Variants in PRORP observed in about 807,000 individuals in gnomAD.
PRORP encodes protein only RNase P catalytic subunit.
A neutral mutation model predicts 59.4 loss-of-function variants in PRORP; 51 were observed. The ratio of observed to expected loss-of-function variants is 0.86; its 90% CI spans 0.69 to 1.08. PRORP has a LOEUF of 1.08. PRORP is among the 50% of genes least tolerant of loss of function. PRORP has a pLI of 0.00. For synonymous variants in PRORP, 231 were observed against 245.6 expected (o/e 0.94, Z 0.55); for missense variants, 646 against 690.3 (o/e 0.94, Z 0.72).
chr14:35,263,585 G>A (rs1205800472), intron 5 of PRORP, among the ~76,000 whole-genome samples: 1 of 152,172 alleles, frequency 6.6e-6, no homozygotes, highest in Non-Finnish European at 1.5e-5. Flanking sequence ...GTACTCAGGA[G>A]GCTGAGGTAG....
chr14:35,247,816 C>G (rs1457948386), intron 5 of PRORP, among the ~76,000 whole-genome samples: 1 of 152,110 alleles, frequency 6.6e-6, no homozygotes, highest in Non-Finnish European at 1.5e-5. Flanking sequence ...ACACAGATAT[C>G]TTACAGAGAA....
Position 35,172,457 on chromosome 14 carries a change from T to TTCC in PRORP, c.1168-8212_1168-8211insCCT, listed in dbSNP as rs1555324977. On this transcript the variant is annotated intron_variant, in intron 4 of 7. Transcript: ENST00000534898. ...CCTTCCTTCCTTCCTTCCTTCCTTC[T>TTCC]TTCTTTCTTTCCCCTCTTTCCTTTC... Among the ~76,000 whole-genome samples the TTCC allele has an allele frequency of 3.4e-4, 12 of 35,452 alleles. 1 individual carries two copies. The highest frequency in any genetic ancestry group is 2.3e-3 in the South Asian group (2 of 888). The allele number at this position is 35,452 out of a possible 152,430, so 23.3% of individuals were successfully genotyped here.
At chr14:35,231,463 T>G (rs1181764853) in intron 5 of PRORP, among the ~76,000 whole-genome samples, 1 of 152,206 alleles carries the variant, frequency 6.6e-6, no homozygotes, top group African/African-American at 2.4e-5. Flanking sequence ...CAAAGAGCTA[T>G]GTGTTTTTGT....
intron 4 of PRORP, among the ~76,000 whole-genome samples, chr14:35,130,401 A>G (rs543066977): frequency 3.9e-5 from 6 of 152,010 alleles, no homozygotes; most frequent in African/African-American, 9.6e-5. Flanking sequence ...GTGTTATAAT[A>G]TACTATGTCT....
chr14:35,142,747 G>A (rs142841927), intron 4 of PRORP, among the ~76,000 whole-genome samples: 1 of 144,672 alleles, frequency 6.9e-6, no homozygotes, highest in Non-Finnish European at 1.5e-5. Context: ...GGAGGCTGAG[G>A]CAGGAGAATT....
intron 5 of PRORP, among the ~76,000 whole-genome samples, chr14:35,185,590 T>G (rs1001214856): frequency 6.6e-6 from 1 of 152,192 alleles, no homozygotes; most frequent in Non-Finnish European, 1.5e-5. Flanking sequence ...CCATAGACAT[T>G]CAAGCAAAGT....
At chr14:35,160,090 C>T (rs2048019682) in intron 4 of PRORP, among the ~76,000 whole-genome samples, 1 of 152,186 alleles carries the variant, frequency 6.6e-6, no homozygotes, top group Non-Finnish European at 1.5e-5. Flanking sequence ...TGGAATGACT[C>T]ATCTTCCAGT....
At position 35,274,490 on chromosome 14, in the gene PRORP, A is replaced by G. The variant is rs939683651; in HGVS notation, c.*924A>G. ...TAGTAAGATCTCATTTCTACAAAAA[A>G]TTTAAAAATTAGCCAGGCATGGTAG... On this transcript the variant is annotated 3_prime_UTR_variant, in exon 8 of 8. Transcript: ENST00000534898. 1 of 152,110 alleles carries G rather than the reference A, an allele frequency of 6.6e-6. No individual in the cohort carries two copies. Among genetic ancestry groups the G allele is most frequent in the Non-Finnish European group, 1.5e-5 (1 of 68,028 alleles). 9.4% of individuals were successfully genotyped at this position (152,110 alleles called of 1,614,324 possible).
intron 5 of PRORP, among the ~76,000 whole-genome samples, chr14:35,216,027 A>G (rs2049579623): frequency 6.8e-6 from 1 of 147,792 alleles, no homozygotes; most frequent in African/African-American, 2.5e-5. Context: ...TCGGCCTCCC[A>G]AAGTGCTGGG....
intron 5 of PRORP, among the ~76,000 whole-genome samples, chr14:35,259,974 TG>T: frequency 6.7e-6 from 1 of 150,314 alleles, no homozygotes; most frequent in East Asian, 1.9e-4. Context: ...TCACTGCAGG[TG>T]TTTTGGAGGT....
chr14:35,207,599 T>C (rs1424015109), intron 5 of PRORP, among the ~76,000 whole-genome samples: 6 of 152,254 alleles, frequency 3.9e-5, no homozygotes, highest in Non-Finnish European at 8.8e-5. Context: ...TAACAAAGTT[T>C]AAAGAATGTG....
At chr14:35,149,669 G>A (rs1318839982) in intron 4 of PRORP, among the ~76,000 whole-genome samples, 1 of 152,158 alleles carries the variant, frequency 6.6e-6, no homozygotes, top group Non-Finnish European at 1.5e-5. Context: ...GAATGTTGTG[G>A]CTGGTTTGAT....
chr14:35,179,316 A>T (rs1352469722), intron 4 of PRORP, among the ~76,000 whole-genome samples: 1 of 152,150 alleles, frequency 6.6e-6, no homozygotes, highest in Non-Finnish European at 1.5e-5. Flanking sequence ...GTTCTCCTGG[A>T]TAATATCCTG....
At chr14:35,154,167 T>C (rs1218669430) in intron 4 of PRORP, among the ~76,000 whole-genome samples, 2 of 152,186 alleles carry the variant, frequency 1.3e-5, no homozygotes, top group African/African-American at 2.4e-5. Context: ...CAGCTTTTCC[T>C]AGTGGGAACA....
chr14:35,224,711 T>G (rs753677576), intron 5 of PRORP, among the ~76,000 whole-genome samples: 57 of 152,234 alleles, frequency 3.7e-4, no homozygotes, highest in Non-Finnish European at 1.0e-4. Flanking sequence ...AATTAAGGAC[T>G]TTGTCAGACG....
At chr14:35,230,938 AACACACAC>A (rs60270535) in intron 5 of PRORP, among the ~76,000 whole-genome samples, 23,782 of 144,478 alleles carry the variant, frequency 0.16, 2,145 homozygotes, top group Non-Finnish European at 0.22. Context: ...AGGAAAAGAG[AACACACAC>A]ACACACACAC....
intron 5 of PRORP, among the ~76,000 whole-genome samples, chr14:35,226,074 A>C (rs563337080): frequency 6.6e-6 from 1 of 152,284 alleles, no homozygotes; most frequent in Non-Finnish European, 1.5e-5. Flanking sequence ...GTTGGTATAG[A>C]TTCTAGCTTT....
Position 35,141,982 on chromosome 14 carries a change from G to A in PRORP, c.1167+14371G>A, listed in dbSNP as rs1335763827. On this transcript the variant is annotated intron_variant, in intron 4 of 7. Coordinates refer to ENST00000534898, the MANE Select transcript of PRORP (RefSeq NM_014672.4). ...CAACCTCTGCCTCCTGGGTTCAAAC[G>A]ATTCTCCTGCCTCAGCCTCCTGAGT... Among the ~76,000 whole-genome samples, 2 of 144,938 alleles carry A rather than the reference G, an allele frequency of 1.4e-5. 1 individual carries two copies. The highest frequency in any genetic ancestry group is 4.7e-4 in the East Asian group (2 of 4,276).
At chr14:35,188,132 A>G (rs1290873117) in intron 5 of PRORP, among the ~76,000 whole-genome samples, 4 of 150,952 alleles carry the variant, frequency 2.6e-5, no homozygotes, top group African/African-American at 9.7e-5. Flanking sequence ...GTGCCTGGCC[A>G]GAAATGTCTA....
Sources: gnomAD v4.1 joint callset for allele counts (sites outside exome capture counted in the v4.1 genomes callset) on GRCh38, gnomAD v4.1.1 for gene constraint, MANE v1.5 for transcripts, NCBI Gene and HGNC (gene_info 2026-07-23, HGNC 2026-07-21) for gene names.